ADAMTSL1: variants seen among roughly 807,000 people sequenced by gnomAD.
ADAMTSL1 encodes the protein ADAMTS like 1.
Under a neutral mutation model 201.8 loss-of-function variants are expected in ADAMTSL1, and 126 were observed. The observed-to-expected ratio is 0.62, with a 90% CI of 0.54 to 0.72. The LOEUF (loss-of-function observed/expected upper bound fraction) is 0.72. ADAMTSL1 is among the 30% of genes least tolerant of loss of function. The probability of loss-of-function intolerance (pLI) is 0.00; values close to 1 mark genes in which losing one functional copy is unlikely to be tolerated. For missense variants in ADAMTSL1, 2,679 were observed against 2,277.8 expected (o/e 1.18, Z -3.59); for synonymous variants, 1,121 against 903.4 (o/e 1.24, Z -4.32).
chr9:17,913,691 TAG>T (rs1825977138), intron 1 of ADAMTSL1, among the ~76,000 whole-genome samples: 1 of 151,818 alleles, frequency 6.6e-6, no homozygotes, highest in African/African-American at 2.4e-5. Context: ...CTGAAGGAAA[TAG>T]ACACACAAAA....
At chr9:18,068,821 G>C (rs1822826209) in intron 1 of ADAMTSL1, among the ~76,000 whole-genome samples, 1 of 152,208 alleles carries the variant, frequency 6.6e-6, no homozygotes, top group Non-Finnish European at 1.5e-5. Flanking sequence ...CTCACATTCT[G>C]ACAGCCTAAG....
chr9:18,474,732 T>G (rs1162038264), intron 1 of ADAMTSL1, among the ~76,000 whole-genome samples: 1 of 152,184 alleles, frequency 6.6e-6, no homozygotes, highest in Non-Finnish European at 1.5e-5. Flanking sequence ...ACTTTCCATC[T>G]ATGCACATGT....
chr9:18,657,851 G>A (rs1828800207), intron 8 of ADAMTSL1, 101 bp downstream of exon 8: 12 of 950,570 alleles, frequency 1.3e-5, no homozygotes, highest in Non-Finnish European at 1.8e-5. Context: ...ATTTTGTGCT[G>A]TCTTGGACCA....
intron 2 of ADAMTSL1, among the ~76,000 whole-genome samples, chr9:18,387,648 G>GT (rs138925946): frequency 2.6e-5 from 4 of 151,134 alleles, no homozygotes; most frequent in East Asian, 2.0e-4. Context: ...ATTTTCATTT[G>GT]TTTTTTTAAT....
intron 2 of ADAMTSL1, among the ~76,000 whole-genome samples, chr9:18,272,269 A>G (rs541643445): frequency 6.6e-6 from 1 of 152,284 alleles, no homozygotes; most frequent in East Asian, 1.9e-4. Context: ...ATATAAACCA[A>G]TGGAACAGAA....
At chr9:18,781,156 G>T (rs1549988) in intron 19 of ADAMTSL1, among the ~76,000 whole-genome samples, 102,129 of 151,854 alleles carry the variant, frequency 0.67, 34,596 homozygotes, top group African/African-American at 0.71. Flanking sequence ...AAACAGAGAC[G>T]TGGCAGCCAG....
chr9:17,943,005 T>G (rs1173806035), intron 1 of ADAMTSL1, among the ~76,000 whole-genome samples: 1 of 152,178 alleles, frequency 6.6e-6, no homozygotes, highest in African/African-American at 2.4e-5. Flanking sequence ...TACTGCAGCC[T>G]CAATCTCCTG....
chr9:17,984,922 GT>G (rs1372686386), intron 1 of ADAMTSL1, among the ~76,000 whole-genome samples: 1 of 152,072 alleles, frequency 6.6e-6, no homozygotes, highest in Non-Finnish European at 1.5e-5. Flanking sequence ...CAAAATCAAT[GT>G]TTTTTGCTTC....
intron 2 of ADAMTSL1, among the ~76,000 whole-genome samples, chr9:18,331,676 C>G (rs1835034191): frequency 6.6e-6 from 1 of 152,146 alleles, no homozygotes. Flanking sequence ...TGCCACAAGA[C>G]CCCAACTTTT....
intron 1 of ADAMTSL1, among the ~76,000 whole-genome samples, chr9:18,483,605 ATCAGGAGG>A (rs1237710027): frequency 4.6e-5 from 7 of 152,188 alleles, no homozygotes; most frequent in African/African-American, 1.7e-4. Flanking sequence ...AGGCAGGTGG[ATCAGGAGG>A]TCAGGAGATC....
At chr9:18,726,227 G>A (rs916331592) in intron 15 of ADAMTSL1, among the ~76,000 whole-genome samples, 1 of 152,064 alleles carries the variant, frequency 6.6e-6, no homozygotes, top group African/African-American at 2.4e-5. Flanking sequence ...TTCAGTCTGG[G>A]CGTGGTGGCT....
intron 2 of ADAMTSL1, among the ~76,000 whole-genome samples, chr9:18,348,796 G>T (rs979804022): frequency 2.6e-5 from 4 of 151,976 alleles, no homozygotes; most frequent in African/African-American, 9.7e-5. Flanking sequence ...AATGTATAAG[G>T]CTATTTTTAA....
Position 18,905,820 on chromosome 9 carries a change from A to T in ADAMTSL1, c.4890A>T (p.Gln1630His). Residue 1630 changes from glutamine to histidine, a missense_variant, in exon 27 of 29, where the codon CAA becomes CAT. Physicochemically the swap from Gln to His is conservative, Grantham distance 24. Transcript: ENST00000380548. ...GCATCGGGCCTCACCTAGCTGTGCA[A>T]CACAGACAAGTCTTCTGCCAGACAC... Reference protein sequence around the residue: ...GPCIGPHLAVQHRQVFCQTRD... With the variant: ...GPCIGPHLAVHHRQVFCQTRD... The T allele has an allele frequency of 1.9e-6, 3 of 1,613,738 alleles. No individual in the cohort carries two copies. Among genetic ancestry groups the T allele is most frequent in the Non-Finnish European group, 2.5e-6 (3 of 1,179,814 alleles).
chr9:18,897,891 T>TA (rs1829750396), intron 26 of ADAMTSL1, among the ~76,000 whole-genome samples: 1 of 152,070 alleles, frequency 6.6e-6, no homozygotes, highest in Non-Finnish European at 1.5e-5. Flanking sequence ...AGACGGTGGA[T>TA]AGTAGGCTGG....
At chr9:18,173,839 C>G (rs1298693209) in intron 2 of ADAMTSL1, among the ~76,000 whole-genome samples, 2 of 152,080 alleles carry the variant, frequency 1.3e-5, no homozygotes, top group Non-Finnish European at 2.9e-5. Context: ...TATTGTGAGG[C>G]CCTTCCGAAA....
At chr9:18,684,623 A>G (rs765101447) in intron 12 of ADAMTSL1, 93 bp from the exon 13 acceptor site, 8 of 1,401,704 alleles carry the variant, frequency 5.7e-6, no homozygotes, top group Non-Finnish European at 7.7e-6. Flanking sequence ...TGGTCAACGT[A>G]GTAACTTCTT....
At chr9:18,152,955 T>C (rs138068310) in intron 1 of ADAMTSL1, among the ~76,000 whole-genome samples, 5 of 152,208 alleles carry the variant, frequency 3.3e-5, no homozygotes, top group African/African-American at 4.8e-5. Flanking sequence ...TTTCTTTCTT[T>C]ATAAATTGTT....
chr9:18,451,341 T>G (rs896954322), intron 2 of ADAMTSL1, among the ~76,000 whole-genome samples: 9 of 152,206 alleles, frequency 5.9e-5, no homozygotes, highest in African/African-American at 2.2e-4. Flanking sequence ...CAACCTAGCT[T>G]ATAATTAGTT....
chr9:18,571,474 C>T (rs952891275), intron 3 of ADAMTSL1, among the ~76,000 whole-genome samples: 3 of 152,210 alleles, frequency 2.0e-5, no homozygotes, highest in African/African-American at 7.2e-5. Context: ...TGTACTTGTA[C>T]TGAGTAATCA....
Sources: gnomAD v4.1 joint callset for allele counts (sites outside exome capture counted in the v4.1 genomes callset) on GRCh38, gnomAD v4.1.1 for gene constraint, MANE v1.5 for transcripts, NCBI Gene and HGNC (gene_info 2026-07-23, HGNC 2026-07-21) for gene names.